Variants in HNRNPL observed in about 807,000 individuals in gnomAD.
HNRNPL encodes heterogeneous nuclear ribonucleoprotein L.
Under a neutral mutation model 64.0 loss-of-function variants are expected in HNRNPL, and 12 were observed. The ratio of observed to expected loss-of-function variants is 0.19; its 90% CI spans 0.12 to 0.30. HNRNPL has a LOEUF of 0.30. Ranked by LOEUF, HNRNPL falls within the 10% of genes least tolerant of loss-of-function variation. The pLI is 1.00. For synonymous variants in HNRNPL, 385 were observed against 313.0 expected (o/e 1.23, Z -2.43); for missense variants, 484 against 797.4 (o/e 0.61, Z 4.73).
chr19:38,845,428 T>C (rs1380563370), intron 4 of HNRNPL: 1 of 542,240 alleles, frequency 1.8e-6, no homozygotes, highest in Non-Finnish European at 3.3e-6. Flanking sequence ...AATTCCTTTG[T>C]ATCTCCCAAC....
chr19:38,850,126 G>A, upstream of HNRNPL: 2 of 538,790 alleles, frequency 3.7e-6, no homozygotes, highest in Non-Finnish European at 6.2e-6. Context: ...ACGCCGTTCT[G>A]CAGGAGGGCC....
intron 8 of HNRNPL, 155 bp from the exon 9 acceptor site, chr19:38,839,170 T>G: frequency 1.2e-6 from 1 of 856,872 alleles, no homozygotes; most frequent in South Asian, 1.6e-5. Flanking sequence ...CCACACCAAG[T>G]GCTCAACCCA....
intron 4 of HNRNPL, among the ~76,000 whole-genome samples, chr19:38,844,407 C>T (rs879897874): frequency 1.3e-5 from 2 of 152,292 alleles, no homozygotes; most frequent in African/African-American, 4.8e-5. Flanking sequence ...TCACACCCTT[C>T]GACTAAATCT....
chr19:38,847,552 T>G, intron 1 of HNRNPL, 118 bp from the exon 2 acceptor site: 2 of 527,540 alleles, frequency 3.8e-6, no homozygotes, highest in Admixed American at 3.7e-5. Context: ...CCGTGAAGGA[T>G]GCACAGGAAA....
intron 4 of HNRNPL, chr19:38,845,037 C>A (rs1425053620): frequency 1.3e-5 from 2 of 152,278 alleles, no homozygotes; most frequent in African/African-American, 4.8e-5. Flanking sequence ...AATTCCTTTT[C>A]CCAGGGGCAC....
chr19:38,850,557 G>T (rs779877302), upstream of HNRNPL, among the ~76,000 whole-genome samples: 25 of 152,206 alleles, frequency 1.6e-4, no homozygotes, highest in Non-Finnish European at 3.4e-4. Context: ...CCCGCCCCAG[G>T]GTAGGCGCTC....
chr19:38,837,762 G>A, intron 10 of HNRNPL, 111 bp from the exon 11 acceptor site: 3 of 892,314 alleles, frequency 3.4e-6, no homozygotes, highest in Admixed American at 2.3e-5. Context: ...CAGGAGAAAA[G>A]GCTTGTAGAT....
rs776566151 is a variant in HNRNPL at position 38,836,795 on chromosome 19, C to T, written c.1712-15G>A. The stretch of plus-strand genomic sequence containing the variant: ...GTATGGACCATCTGCAAAGGAGAGA[C>T]AAGTTTGGTTGGTTCCCGTCTTTGG... On this transcript the variant is annotated splice_polypyrimidine_tract_variant and intron_variant, in intron 12 of 12. Transcript: ENST00000221419. The T allele has an allele frequency of 1.9e-6, 3 of 1,608,004 alleles. No individual in the cohort carries two copies. The highest frequency in any genetic ancestry group is 3.4e-5 in the Admixed American group (2 of 58,742).
At chr19:38,846,916 A>G (rs1972316024) in intron 2 of HNRNPL, among the ~76,000 whole-genome samples, 1 of 151,848 alleles carries the variant, frequency 6.6e-6, no homozygotes, top group African/African-American at 2.4e-5. Context: ...AAAACAAACA[A>G]ACAAACAAAA....
rs369552414 is a variant in HNRNPL, at chr19:38,845,567, A to G, written c.710+83T>C. 2.7e-6 allele frequency: 3 copies of G among 1,116,636 alleles called. No homozygotes were observed. The East Asian group carries it at 7.0e-5, about 26-fold the overall frequency. The allele number at this position is 1,116,636 out of a possible 1,614,324, so 69.2% of individuals were successfully genotyped here. ...GCAGCCACTCCCGTGGTCAGCAGAC[A>G]CATGCTGGCTCAAAGAATGGCCACT... is the stretch of plus-strand genomic sequence containing the variant. On this transcript the variant is annotated intron_variant, in intron 4 of 12. Coordinates refer to ENST00000221419, the MANE Select transcript of HNRNPL (RefSeq NM_001533.3).
intron 10 of HNRNPL, 99 bp from the exon 11 acceptor site, chr19:38,837,750 T>C (rs959180150): frequency 2.5e-5 from 26 of 1,021,780 alleles, no homozygotes; most frequent in Non-Finnish European, 3.9e-5. Flanking sequence ...ACTTGAAGTT[T>C]TCAGGAGAAA....
At chr19:38,837,925 T>C (rs894873930) in intron 10 of HNRNPL, among the ~76,000 whole-genome samples, 5 of 152,230 alleles carry the variant, frequency 3.3e-5, no homozygotes, top group African/African-American at 1.2e-4. Context: ...CTGAACACTG[T>C]TTGCTGAATG....
At chr19:38,849,642 A>C (rs1972434275) in intron 1 of HNRNPL, 58 bp downstream of exon 1, 1 of 1,303,850 alleles carries the variant, frequency 7.7e-7, no homozygotes, top group Non-Finnish European at 9.7e-7. Context: ...AATGCCCTCA[A>C]GCTGGGAAAT....
At chr19:38,846,843 G>A (rs1036485815) in intron 2 of HNRNPL, among the ~76,000 whole-genome samples, 2 of 152,204 alleles carry the variant, frequency 1.3e-5, no homozygotes, top group African/African-American at 4.8e-5. Context: ...ACGAGACAAA[G>A]CTTGCAGTGA....
At chr19:38,850,826 T>G (rs558447839), upstream of HNRNPL, among the ~76,000 whole-genome samples, 20 of 152,352 alleles carry the variant, frequency 1.3e-4, no homozygotes, top group African/African-American at 4.8e-4. Flanking sequence ...GCCGACTGTC[T>G]TCGGACCCTG....
chr19:38,847,467 C>T, intron 1 of HNRNPL, 33 bp from the exon 2 acceptor site: 11 of 1,370,454 alleles, frequency 8.0e-6, no homozygotes, highest in Non-Finnish European at 1.1e-5. Context: ...GAATTATTTT[C>T]TTGCTGTACA....
chr19:38,845,815 G>A (rs755375418), intron 3 of HNRNPL, 38 bp downstream of exon 3: 8 of 1,598,930 alleles, frequency 5.0e-6, no homozygotes, highest in Non-Finnish European at 6.0e-6. Flanking sequence ...GGGAGAAAAG[G>A]AAGGGAGACC....
At position 38,844,074 on chromosome 19, in the gene HNRNPL, G is replaced by C; in HGVS notation, c.741C>G (p.Ala247=). The C allele has an allele frequency of 6.2e-7, 1 of 1,613,672 alleles. No homozygotes were observed. The highest frequency in any genetic ancestry group is 8.5e-7 in the Non-Finnish European group (1 of 1,179,556). Residue 247 remains alanine, a synonymous_variant, in exon 5 of 13, where the codon GCC becomes GCG. Transcript: ENST00000221419. Reference sequence around the variant, plus strand: ...TATCAGCCCCATTGAGAGAGGCCTTGGCCCGCTGGGCACTTTGAACTGAGT... The same window carrying C: ...TATCAGCCCCATTGAGAGAGGCCTTCGCCCGCTGGGCACTTTGAACTGAGT... ...EFDSVQSAQR[A]KASLNGADIY...
chr19:38,843,484 T>G lies in HNRNPL; in HGVS notation c.880+358A>C, dbSNP rs1296838898. The G allele has an allele frequency of 1.8e-5, 5 of 279,106 alleles. No individual in the cohort carries two copies. The Admixed American group carries it at 2.5e-4, about 14-fold the overall frequency. 17.3% of individuals were successfully genotyped at this position (279,106 alleles called of 1,614,324 possible). A position where few individuals can be genotyped will look rare whatever the true frequency, so the allele number is the denominator to read the frequency against. On this transcript the variant is annotated intron_variant, in intron 6 of 12. Transcript: ENST00000221419. Reference sequence around the variant, plus strand: ...CAACAGCGCAGAACAAGAGGACAATTCCTGGTCCAGCAAGAATGGAGTGAG... The same window carrying G: ...CAACAGCGCAGAACAAGAGGACAATGCCTGGTCCAGCAAGAATGGAGTGAG...
Sources: allele counts gnomAD v4.1 joint callset (sites outside exome capture counted in the v4.1 genomes callset), GRCh38; gene constraint gnomAD v4.1.1; transcripts MANE v1.5; gene names NCBI Gene and HGNC (gene_info 2026-07-23, HGNC 2026-07-21).